The following CSMD3 variants were observed in gnomAD, a reference collection of about 807,000 sequenced individuals.
The protein encoded by CSMD3 is CUB and sushi domain-containing protein 3.
CSMD3 carries 177 observed loss-of-function variants against 435.2 expected under a neutral mutation model. The observed-to-expected ratio is 0.41, with a 90% CI of 0.36 to 0.46. The LOEUF (loss-of-function observed/expected upper bound fraction) is 0.46. CSMD3 is among the 20% of genes least tolerant of loss of function. CSMD3 has a pLI of 0.34. For synonymous variants in CSMD3, 1,656 were observed against 1,520.5 expected, an observed-to-expected ratio of 1.09 and a Z score of -2.07; for missense variants, 4,265 against 4,504.6, an observed-to-expected ratio of 0.95 and a Z score of 1.52.
At chr8:112,290,863 C>T (rs1431276621) in intron 56 of CSMD3, among the ~76,000 whole-genome samples, 1 of 151,952 alleles carries the variant, frequency 6.6e-6, no homozygotes, top group Non-Finnish European at 1.5e-5. Context: ...ATGTTCACTC[C>T]TCTATGCCTT....
At chr8:113,366,552 G>T (rs1402378417) in intron 1 of CSMD3, among the ~76,000 whole-genome samples, 2 of 152,108 alleles carry the variant, frequency 1.3e-5, no homozygotes, top group South Asian at 2.1e-4. Flanking sequence ...CACCGCCAGT[G>T]ATTTAAAATG....
chr8:112,642,159 AC>A (rs1342853350), intron 20 of CSMD3, among the ~76,000 whole-genome samples: 3 of 152,094 alleles, frequency 2.0e-5, no homozygotes, highest in Non-Finnish European at 4.4e-5. Flanking sequence ...TAGTCATGCC[AC>A]CAGCTATTAC....
chr8:112,930,271 CT>C (rs770172234), intron 9 of CSMD3, among the ~76,000 whole-genome samples: 23 of 152,096 alleles, frequency 1.5e-4, no homozygotes, highest in Middle Eastern at 3.2e-3. Flanking sequence ...CCCTATACTA[CT>C]ATCAGACAGC....
At chr8:112,906,062 G>A (rs532915416) in intron 10 of CSMD3, among the ~76,000 whole-genome samples, 1 of 151,486 alleles carries the variant, frequency 6.6e-6, no homozygotes, top group East Asian at 2.0e-4. Flanking sequence ...ACTTAGAAAA[G>A]GGCCCTCAAT....
At chr8:112,345,613 C>T (rs1159239015) in intron 41 of CSMD3, among the ~76,000 whole-genome samples, 2 of 151,908 alleles carry the variant, frequency 1.3e-5, no homozygotes, top group African/African-American at 4.8e-5. Flanking sequence ...GGTTAAAGGG[C>T]ACAAAATTTC....
rs186668094 is a variant in CSMD3 at position 112,348,031 on chromosome 8, C to A, written c.6326-1818G>T. The stretch of plus-strand genomic sequence containing the variant: ...GCCCCACCTTTCAGGGTGAAAAATA[C>A]CAAAACCAAAAGAGAAAAAGAAAAC... On this transcript the variant is annotated intron_variant, in intron 40 of 70. Coordinates refer to ENST00000297405, the MANE Select transcript of CSMD3 (RefSeq NM_198123.2). Among the ~76,000 whole-genome samples the A allele has an allele frequency of 8.9e-4, 135 of 152,012 alleles. 5 individuals are homozygous for A. The East Asian group carries it at 0.022, about 25-fold the overall frequency.
rs375917734 is a variant in CSMD3, at chr8:112,409,001, T to C, written c.5427A>G (p.Thr1809=). The part of the protein sequence containing the change: ...VVFGQFVFFQ[T]SLHDVVEVYD... Reference sequence around the variant, plus strand: ...ACACCTCAACAACATCGTGGAGTGATGTCTGGAAAAATACAAACTGGCCAA... The same window carrying C: ...ACACCTCAACAACATCGTGGAGTGACGTCTGGAAAAATACAAACTGGCCAA... Residue 1809 remains threonine (T), a synonymous_variant, in exon 33 of 71, where the codon ACA becomes ACG. Coordinates refer to ENST00000297405, the MANE Select transcript of CSMD3 (RefSeq NM_198123.2). The C allele has an allele frequency of 1.5e-5, 25 of 1,613,406 alleles. No individual in the cohort carries two copies. The highest frequency in any genetic ancestry group is 2.2e-5 in the East Asian group (1 of 44,860).
intron 3 of CSMD3, among the ~76,000 whole-genome samples, chr8:113,220,902 T>C (rs2132128167): frequency 6.6e-6 from 1 of 151,486 alleles, no homozygotes; most frequent in African/African-American, 2.4e-5. Context: ...TGTGTAGTAT[T>C]CCAGCTGAGA....
intron 9 of CSMD3, among the ~76,000 whole-genome samples, chr8:112,924,932 C>A (rs1222799682): frequency 6.6e-6 from 1 of 152,094 alleles, no homozygotes; most frequent in East Asian, 1.9e-4. Context: ...TTATTTCCCT[C>A]AGTTAGATTA....
chr8:113,301,064 G>A (rs532000226), intron 2 of CSMD3, among the ~76,000 whole-genome samples: 1 of 148,506 alleles, frequency 6.7e-6, no homozygotes, highest in South Asian at 2.1e-4. Flanking sequence ...GGATGTTCAT[G>A]TATGATTCAT....
intron 24 of CSMD3, among the ~76,000 whole-genome samples, chr8:112,565,996 A>G (rs1829031152): frequency 6.6e-6 from 1 of 151,648 alleles, no homozygotes; most frequent in Admixed American, 6.6e-5. Flanking sequence ...AAATGACAAA[A>G]GTTTCTTTGG....
At chr8:112,550,074 A>G (rs1827544235) in intron 27 of CSMD3, among the ~76,000 whole-genome samples, 1 of 152,024 alleles carries the variant, frequency 6.6e-6, no homozygotes, top group South Asian at 2.1e-4. Flanking sequence ...ACAGAACAAC[A>G]TATATTTAGC....
intron 1 of CSMD3, among the ~76,000 whole-genome samples, chr8:113,372,398 T>G (rs182285503): frequency 1.3e-5 from 2 of 152,296 alleles, no homozygotes; most frequent in East Asian, 3.9e-4. Flanking sequence ...ATTAATATTT[T>G]GGGCTTTGAT....
At chr8:113,260,828 G>A (rs958234367) in intron 3 of CSMD3, among the ~76,000 whole-genome samples, 1 of 152,024 alleles carries the variant, frequency 6.6e-6, no homozygotes, top group Non-Finnish European at 1.5e-5. Flanking sequence ...TGTGGTGTTT[G>A]GTTTTCTGTT....
intron 24 of CSMD3, among the ~76,000 whole-genome samples, chr8:112,564,556 C>G (rs916824307): frequency 3.3e-5 from 5 of 152,038 alleles, no homozygotes; most frequent in Non-Finnish European, 5.9e-5. Context: ...AAGACCACTG[C>G]TGGCTTTCAG....
chr8:113,360,662 C>T lies in CSMD3; in HGVS notation c.179-45869G>A, dbSNP rs572316116. On this transcript the variant is annotated intron_variant, in intron 1 of 70. Coordinates refer to ENST00000297405, the MANE Select transcript of CSMD3 (RefSeq NM_198123.2). ...GATCTCGGCTCACTGCAAGCTCCGC[C>T]TCCCGGGTTCACGCCATTCTCCTGC... is the stretch of plus-strand genomic sequence containing the variant. 7.3e-5 allele frequency among the ~76,000 whole-genome samples: 11 copies of T among 150,280 alleles called. 1 individual carries two copies. The East Asian group carries it at 9.9e-4, about 13-fold the overall frequency.
intron 3 of CSMD3, among the ~76,000 whole-genome samples, chr8:113,203,097 T>A (rs1280806903): frequency 6.6e-6 from 1 of 152,038 alleles, no homozygotes; most frequent in Non-Finnish European, 1.5e-5. Flanking sequence ...CAGTATAGTT[T>A]CTAGTAAATA....
chr8:113,353,818 A>G (rs1400402438), intron 1 of CSMD3, among the ~76,000 whole-genome samples: 1 of 152,026 alleles, frequency 6.6e-6, no homozygotes, highest in African/African-American at 2.4e-5. Context: ...ATTTTATGCT[A>G]TTCTATTTTG....
chr8:112,271,806 T>C (rs771375298), intron 59 of CSMD3, among the ~76,000 whole-genome samples: 24 of 152,302 alleles, frequency 1.6e-4, no homozygotes, highest in Non-Finnish European at 3.4e-4. Context: ...ATAATTAGCA[T>C]GAAAAGAATA....
Sources: gnomAD v4.1 joint callset for allele counts (sites outside exome capture counted in the v4.1 genomes callset) on GRCh38, gnomAD v4.1.1 for gene constraint, MANE v1.5 for transcripts, NCBI Gene and HGNC (gene_info 2026-07-23, HGNC 2026-07-21) for gene names.